AKAP8L: variants seen among roughly 807,000 people sequenced by gnomAD.
The protein encoded by AKAP8L is A-kinase anchoring protein 8 like, also known as A-kinase anchor protein 8-like.
AKAP8L carries 34 observed loss-of-function variants against 77.5 expected under a neutral mutation model. That is an observed-to-expected ratio of 0.44 (90% confidence interval 0.33 to 0.58). The LOEUF is 0.58. AKAP8L is among the 20% of genes least tolerant of loss of function. The pLI is 0.02. For synonymous variants in AKAP8L, 342 were observed against 340.7 expected (o/e 1.00, Z -0.04); for missense variants, 806 against 887.6 (o/e 0.91, Z 1.17).
At chr19:15,408,723 A>T (rs940211311) in intron 2 of AKAP8L, among the ~76,000 whole-genome samples, 8 of 151,860 alleles carry the variant, frequency 5.3e-5, no homozygotes, top group Admixed American at 1.3e-4. Context: ...CTCTACTGAA[A>T]ATACAAAAAG....
chr19:15,408,871 CAA>C (rs559627849), intron 2 of AKAP8L, among the ~76,000 whole-genome samples: 18 of 68,024 alleles, frequency 2.6e-4, no homozygotes, highest in Non-Finnish European at 1.8e-4. Flanking sequence ...GACTCTGTCT[CAA>C]AAAAAAAAAA....
chr19:15,395,853 G>A (rs995248101), intron 12 of AKAP8L, among the ~76,000 whole-genome samples: 11 of 144,092 alleles, frequency 7.6e-5, no homozygotes, highest in African/African-American at 2.8e-4. Flanking sequence ...GCGTGGTAGC[G>A]GGCGCCTGTA....
At chr19:15,387,756 C>T (rs1402208595) in intron 12 of AKAP8L, among the ~76,000 whole-genome samples, 9 of 152,104 alleles carry the variant, frequency 5.9e-5, no homozygotes, top group Admixed American at 3.3e-4. Flanking sequence ...ATCAAGAGTT[C>T]GAGACCAGCC....
rs748463543 is a variant in AKAP8L, at chr19:15,418,949, G to A, written c.-26C>T. ...GGTGGCGGGCAACACAACATCCGAC[G>A]ACGCCGGCTTCTGCTGCTCTGAACA... is the stretch of plus-strand genomic sequence containing the variant. On this transcript the variant is annotated 5_prime_UTR_variant, in exon 1 of 14. Transcript: ENST00000397410. 6.2e-6 allele frequency: 10 copies of A among 1,604,548 alleles called. No homozygotes were observed. Among genetic ancestry groups the A allele is most frequent in the Admixed American group, 1.7e-5 (1 of 59,992 alleles).
In AKAP8L at chr19:15,403,615, A is replaced by C; in HGVS notation, c.222T>G (p.Ser74=). Residue 74 remains serine, a synonymous_variant, in exon 4 of 14, where the codon TCT becomes TCG. Coordinates refer to ENST00000397410, the MANE Select transcript of AKAP8L (RefSeq NM_014371.4). The surrounding 1 kb of genome is among the most constrained non-coding windows in gnomAD (Gnocchi z 4.3). The part of the protein sequence containing the change: ...ATSHSWEMPS[S]DTNANTSASG... ...AGGCACTAGTGTTTGCATTTGTGTC[A>C]GAGCTAGGCATTTCCCAAGAGTGTG... The C allele has an allele frequency of 6.2e-7, 1 of 1,614,032 alleles. No homozygotes were observed.
Position 15,399,119 on chromosome 19 carries a change from G to C in AKAP8L, c.1157+183C>G, listed in dbSNP as rs1967836138. On this transcript the variant is annotated intron_variant, in intron 9 of 13. Coordinates refer to ENST00000397410, the MANE Select transcript of AKAP8L (RefSeq NM_014371.4). This position sits in a 1 kb window ranked among gnomAD's most constrained non-coding sequence, Gnocchi z 6.1. ...AGCGGTCGCCAGGCGGCCGCAGAGG[G>C]GCAGGGGATGAGTCAGGCCTTGGGA... The C allele has an allele frequency of 1.6e-6, 1 of 618,962 alleles. No individual in the cohort carries two copies. The highest frequency in any genetic ancestry group is 1.8e-5 in the African/African-American group (1 of 54,186). 38.3% of individuals were successfully genotyped at this position (618,962 alleles called of 1,614,324 possible).
intron 12 of AKAP8L, among the ~76,000 whole-genome samples, chr19:15,387,369 G>A (rs1967561132): frequency 6.6e-6 from 1 of 152,242 alleles, no homozygotes; most frequent in East Asian, 1.9e-4. Flanking sequence ...AAGAGTGTTG[G>A]GAAGTGCAAG....
chr19:15,406,151 C>T (rs533567799), intron 2 of AKAP8L, among the ~76,000 whole-genome samples: 1 of 152,194 alleles, frequency 6.6e-6, no homozygotes, highest in African/African-American at 2.4e-5. Flanking sequence ...TCTCAGGAGT[C>T]CCTCCAGGCA....
rs35729766 is a variant in AKAP8L at position 15,393,903 on chromosome 19, CAA to C, written c.1536+3245_1536+3246del. 1.3e-3 allele frequency among the ~76,000 whole-genome samples: 125 copies of C among 96,372 alleles called. No homozygotes were observed. In the Middle Eastern group the frequency reaches 0.023, roughly 18 times the overall value. 63.2% of individuals were successfully genotyped at this position (96,372 alleles called of 152,430 possible). On this transcript the variant is annotated intron_variant, in intron 12 of 13. Transcript: ENST00000397410. ...GGGCAAGAAGAGCGAATCTCTGTCT[CAA>C]AAAAAAAAAAAAAAAAAAGTCAGAA... is the stretch of plus-strand genomic sequence containing the variant.
chr19:15,416,381 T>C (rs1277465081), intron 1 of AKAP8L, among the ~76,000 whole-genome samples: 1 of 152,174 alleles, frequency 6.6e-6, no homozygotes, highest in Non-Finnish European at 1.5e-5. Flanking sequence ...CGCCTTGCTC[T>C]TTCTGGGATC....
rs1247896720 is a variant in AKAP8L, at chr19:15,380,610, G to A, written c.1539C>T (p.Leu513=). ...KTMDHNRNRR[L]MMEQSKKSSL... ...AGGACTTCTTGGACTGCTCCATCAT[G>A]AGCTGCGGGCAGGGCAGAAGGAGCT... Residue 513 remains leucine (L), a splice_region_variant and synonymous_variant, in exon 13 of 14, where the codon CTC becomes CTT. Transcript: ENST00000397410. 1 of 1,613,454 alleles carries A rather than the reference G, an allele frequency of 6.2e-7. No individual in the cohort carries two copies. Among genetic ancestry groups the A allele is most frequent in the Middle Eastern group, 1.6e-4 (1 of 6,062 alleles).
chr19:15,401,624 C>T lies in AKAP8L; in HGVS notation c.363-21G>A. 1.3e-6 allele frequency: 2 copies of T among 1,533,784 alleles called. No individual in the cohort carries two copies. Among genetic ancestry groups the T allele is most frequent in the Non-Finnish European group, 1.8e-6 (2 of 1,137,582 alleles). ...CATACCTGCAGAGGCATGGGGTGAG[C>T]ATCAGGTGGAGCCCCTCAGGATCCC... is the stretch of plus-strand genomic sequence containing the variant. On this transcript the variant is annotated intron_variant, in intron 4 of 13. Transcript: ENST00000397410. This position sits in a 1 kb window ranked among gnomAD's most constrained non-coding sequence, Gnocchi z 6.2.
rs535876766 is a variant in AKAP8L at position 15,400,703 on chromosome 19, C to A, written c.984+91G>T. Reference sequence around the variant, plus strand: ...GGTCACCATGCACGCAGAGCTGACACAGCATTGCCTCTGGCCCCCAGGGAG... The same window carrying A: ...GGTCACCATGCACGCAGAGCTGACAAAGCATTGCCTCTGGCCCCCAGGGAG... On this transcript the variant is annotated intron_variant, in intron 7 of 13. Transcript: ENST00000397410. 27 of 1,465,474 alleles carry A rather than the reference C, an allele frequency of 1.8e-5. No individual in the cohort carries two copies. The South Asian group carries it at 2.9e-4, about 16-fold the overall frequency. The allele number at this position is 1,465,474 out of a possible 1,614,324, so 90.8% of individuals were successfully genotyped here.
intron 12 of AKAP8L, among the ~76,000 whole-genome samples, chr19:15,396,227 C>T (rs1967773129): frequency 1.3e-5 from 2 of 152,028 alleles, no homozygotes; most frequent in African/African-American, 4.8e-5. Flanking sequence ...CCATGCTCAC[C>T]TTGGATGCGA....
chr19:15,410,296 T>C (rs1399935916), intron 2 of AKAP8L, among the ~76,000 whole-genome samples: 1 of 152,222 alleles, frequency 6.6e-6, no homozygotes, highest in Admixed American at 6.5e-5. Flanking sequence ...CCATGGGGAT[T>C]TGAAGCCAGG....
rs779425500 is a variant in AKAP8L at position 15,398,909 on chromosome 19, G to A, written c.1157+393C>T. On this transcript the variant is annotated intron_variant, in intron 9 of 13. Coordinates refer to ENST00000397410, the MANE Select transcript of AKAP8L (RefSeq NM_014371.4). This position sits in a 1 kb window ranked among gnomAD's most constrained non-coding sequence, Gnocchi z 9.2. ...GCTGCCATCTCTCCTGGGCACGGCG[G>A]TGGCCTCTTGGCAGCTAGCTGGGGC... 1.4e-6 allele frequency: 1 copy of A among 700,166 alleles called. No individual in the cohort carries two copies. Among genetic ancestry groups the A allele is most frequent in the Non-Finnish European group, 1.9e-6 (1 of 533,806 alleles). The allele number at this position is 700,166 out of a possible 1,614,324, so 43.4% of individuals were successfully genotyped here.
chr19:15,418,768 G>A (rs758325993), intron 1 of AKAP8L, 143 bp downstream of exon 1: 22 of 774,884 alleles, frequency 2.8e-5, no homozygotes, highest in Non-Finnish European at 4.6e-5. Flanking sequence ...CGACCCTGAG[G>A]CGACGGGCCA....
intron 12 of AKAP8L, 72 bp from the exon 13 acceptor site, chr19:15,380,684 G>A: frequency 6.9e-7 from 1 of 1,458,956 alleles, no homozygotes; most frequent in Non-Finnish European, 9.5e-7. Context: ...GACCCTGCCA[G>A]CTTAGAGGGA....
Position 15,401,002 on chromosome 19 carries a change from C to G in AKAP8L, c.858G>C (p.Glu286Asp). ...CCGTGCGGGTGGCTTTGCTATCTGGCTCATCAGGACTGCCGCCCTGCTTTC... is the reference window on the plus strand; with the variant it reads ...CCGTGCGGGTGGCTTTGCTATCTGGGTCATCAGGACTGCCGCCCTGCTTTC... ...KKRKQGGSPD[E>D]PDSKATRTDC... The change falls in exon 6 of 14, where the codon GAG becomes GAC. Residue 286 changes from glutamate (E) to aspartate (D), a missense_variant. This residue lies in a region of AKAP8L where 580 missense variants were observed against 694.1 expected (regional missense o/e 0.84). Coordinates refer to ENST00000397410, the MANE Select transcript of AKAP8L (RefSeq NM_014371.4). This position sits in a 1 kb window ranked among gnomAD's most constrained non-coding sequence, Gnocchi z 6.2. 6.2e-7 allele frequency: 1 copy of G among 1,613,964 alleles called. No homozygotes were observed. Among genetic ancestry groups the G allele is most frequent in the South Asian group, 1.1e-5 (1 of 91,084 alleles).
Sources: allele counts gnomAD v4.1 joint callset (sites outside exome capture counted in the v4.1 genomes callset), GRCh38; gene constraint gnomAD v4.1.1; regional missense constraint gnomAD v4.1.1; non-coding constraint Gnocchi (gnomAD v3.1); transcripts MANE v1.5; gene names NCBI Gene and HGNC (gene_info 2026-07-23, HGNC 2026-07-21).